IRAK1BP1: variants seen among roughly 807,000 people sequenced by gnomAD.
The protein encoded by IRAK1BP1 is interleukin 1 receptor associated kinase 1 binding protein 1.
A neutral mutation model predicts 28.0 loss-of-function variants in IRAK1BP1; 24 were observed. That is an observed-to-expected ratio of 0.86 (90% CI 0.62 to 1.20). IRAK1BP1 has a LOEUF of 1.20. Ranked by LOEUF, IRAK1BP1 falls within the 50% of genes most tolerant of loss-of-function variation. IRAK1BP1 has a pLI of 0.00. For synonymous variants in IRAK1BP1, 131 were observed against 116.3 expected, an observed-to-expected ratio of 1.13 and a Z score of -0.81; for missense variants, 336 against 316.7, an observed-to-expected ratio of 1.06 and a Z score of -0.46.
At chr6:78,930,926 G>C (rs1773027533) in intron 4 of IRAK1BP1, among the ~76,000 whole-genome samples, 1 of 149,534 alleles carries the variant, frequency 6.7e-6, no homozygotes, top group African/African-American at 2.5e-5. Context: ...GTGAGACTCT[G>C]TCAAAAACAT....
chr6:78,892,978 G>T (rs990064771), intron 2 of IRAK1BP1, among the ~76,000 whole-genome samples: 11 of 151,560 alleles, frequency 7.3e-5, no homozygotes, highest in African/African-American at 2.7e-4. Flanking sequence ...GAAAGTGGGG[G>T]ACAAGAAAAA....
the IRAK1BP1 span, among the ~76,000 whole-genome samples, chr6:78,962,555 T>G: frequency 2.9e-4 from 44 of 152,264 alleles, no homozygotes; most frequent in African/African-American, 1.0e-3. Context: ...GATTCTTTAT[T>G]GAGAGAGTGG....
In IRAK1BP1 at chr6:78,867,906, G is replaced by T; in HGVS notation, c.315+15G>T. ...AGGGCGTGCAGGTGAGATCTCCGCGGGGGAGGAAATAAGAGCCGGAAGACA... is the reference window on the plus strand; with the variant it reads ...AGGGCGTGCAGGTGAGATCTCCGCGTGGGAGGAAATAAGAGCCGGAAGACA... On this transcript the variant is annotated intron_variant, in intron 1 of 3. Coordinates refer to ENST00000369940, the MANE Select transcript of IRAK1BP1 (RefSeq NM_001010844.4). 6.4e-7 allele frequency: 1 copy of T among 1,553,808 alleles called. No individual in the cohort carries two copies. Among genetic ancestry groups the T allele is most frequent in the South Asian group, 1.2e-5 (1 of 83,844 alleles).
chr6:78,960,861 A>T, the IRAK1BP1 span, among the ~76,000 whole-genome samples: 1 of 152,132 alleles, frequency 6.6e-6, no homozygotes, highest in Non-Finnish European at 1.5e-5. Context: ...TATATAGAAA[A>T]ATATTAATAC....
At chr6:78,963,061 C>A in the IRAK1BP1 span, 1 of 1,530,004 alleles carries the variant, frequency 6.5e-7, no homozygotes. Flanking sequence ...TTGTGTTCTG[C>A]CAGTTTTTTC....
chr6:78,921,398 G>C (rs1263921657), intron 4 of IRAK1BP1, among the ~76,000 whole-genome samples: 1 of 152,228 alleles, frequency 6.6e-6, no homozygotes, highest in Non-Finnish European at 1.5e-5. Context: ...TCATTGCCAA[G>C]GCTTCAATAG....
In IRAK1BP1 at chr6:78,898,418, A is replaced by ATATATATATATATATATATATG. The variant is rs1771978014; in HGVS notation, c.*105_*106insGTATATATATATATATATATAT. On this transcript the variant is annotated 3_prime_UTR_variant, in exon 4 of 4. Coordinates refer to ENST00000369940, the MANE Select transcript of IRAK1BP1 (RefSeq NM_001010844.4). ...ATGTTTACGTTTGTCCTGAATATAT[A>ATATATATATATATATATATATG]TATATATATATATATATATATATAT... 1 of 142,288 alleles carries ATATATATATATATATATATATG rather than the reference A, an allele frequency of 7.0e-6. No homozygotes were observed. Among genetic ancestry groups the ATATATATATATATATATATATG allele is most frequent in the Non-Finnish European group, 1.4e-5 (1 of 72,640 alleles). 8.8% of individuals were successfully genotyped at this position (142,288 alleles called of 1,614,324 possible). A position where few individuals can be genotyped will look rare whatever the true frequency, so the allele number is the denominator to read the frequency against.
intron 4 of IRAK1BP1, chr6:78,938,506 G>A (rs1229047460): frequency 1.3e-5 from 2 of 151,274 alleles, no homozygotes; most frequent in Admixed American, 1.3e-4. Context: ...ATAACATCAG[G>A]AAATTACATA....
At chr6:78,978,542 T>C in the IRAK1BP1 span, 29 of 1,470,724 alleles carry the variant, frequency 2.0e-5, no homozygotes, top group African/African-American at 3.9e-4. Flanking sequence ...TGTTAAAAAA[T>C]GTTTAAAACT....
intron 4 of IRAK1BP1, among the ~76,000 whole-genome samples, chr6:78,914,901 A>G (rs1287497723): frequency 1.3e-5 from 2 of 152,078 alleles, no homozygotes; most frequent in East Asian, 3.9e-4. Flanking sequence ...GCTCACTGCA[A>G]CCTCCACCTT....
intron 4 of IRAK1BP1, chr6:78,935,373 ATT>A (rs1773233394): frequency 3.5e-6 from 1 of 284,462 alleles, no homozygotes; most frequent in African/African-American, 2.3e-5. Context: ...TAAAATTGGG[ATT>A]CTTAGTCAAT....
In IRAK1BP1 at chr6:78,875,585, A is replaced by G. The variant is rs181494565; in HGVS notation, c.315+7694A>G. ...ACAAAATCATGTACTTTGCAGTAATATGGATAAGGCTTGAAGCCATTATCC... is the reference window on the plus strand; with the variant it reads ...ACAAAATCATGTACTTTGCAGTAATGTGGATAAGGCTTGAAGCCATTATCC... On this transcript the variant is annotated intron_variant, in intron 1 of 3. Coordinates refer to ENST00000369940, the MANE Select transcript of IRAK1BP1 (RefSeq NM_001010844.4). 5.8e-4 allele frequency among the ~76,000 whole-genome samples: 89 copies of G among 152,356 alleles called. 1 individual carries two copies. The highest frequency in any genetic ancestry group is 9.0e-4 in the Non-Finnish European group (61 of 68,036).
At chr6:78,946,122 C>A in exon 5 of IRAK1BP1, 1 of 1,613,950 alleles carries the variant, frequency 6.2e-7, no homozygotes, top group Non-Finnish European at 8.5e-7. Flanking sequence ...TGGTTCGAAC[C>A]ACAGAACTAG....
the IRAK1BP1 span, among the ~76,000 whole-genome samples, chr6:78,977,238 A>G: frequency 6.6e-6 from 1 of 151,324 alleles, no homozygotes; most frequent in South Asian, 2.1e-4. Context: ...GACATGGATG[A>G]AATTGGAAAC....
intron 1 of IRAK1BP1, among the ~76,000 whole-genome samples, chr6:78,878,339 A>T (rs559136306): frequency 6.6e-6 from 1 of 152,230 alleles, no homozygotes; most frequent in Non-Finnish European, 1.5e-5. Context: ...GCTGTTCTGC[A>T]GTATTTGCTG....
In IRAK1BP1 at chr6:78,920,103, A is replaced by T. The variant is rs369555059; in HGVS notation, c.*67+16993A>T. On this transcript the variant is annotated intron_variant and NMD_transcript_variant, in intron 4 of 4. Coordinates refer to the IRAK1BP1 transcript ENST00000606868. ...ACCCTGTCTCTACTAAAAATACAAA[A>T]ATTAGCTGGGTGTGATTGTGCATGC... Among the ~76,000 whole-genome samples, 4 of 152,024 alleles carry T rather than the reference A, an allele frequency of 2.6e-5. No individual in the cohort carries two copies. In the East Asian group the frequency reaches 7.7e-4, roughly 29 times the overall value.
chr6:78,951,226 T>C (rs1774124067), downstream of IRAK1BP1, among the ~76,000 whole-genome samples: 1 of 152,188 alleles, frequency 6.6e-6, no homozygotes, highest in Non-Finnish European at 1.5e-5. Context: ...ATATTTTGGT[T>C]AATGTAAATT....
the IRAK1BP1 span, among the ~76,000 whole-genome samples, chr6:78,959,456 A>G: frequency 6.6e-6 from 1 of 152,142 alleles, no homozygotes; most frequent in African/African-American, 2.4e-5. Flanking sequence ...AAAATAAAGT[A>G]TTAGATTAAT....
At chr6:78,971,836 C>T in the IRAK1BP1 span, among the ~76,000 whole-genome samples, 4 of 152,280 alleles carry the variant, frequency 2.6e-5, no homozygotes, top group South Asian at 2.1e-4. Context: ...TAAAAAACGG[C>T]GCACCACGAA....
Sources: allele counts gnomAD v4.1 joint callset (sites outside exome capture counted in the v4.1 genomes callset), GRCh38; gene constraint gnomAD v4.1.1; transcripts MANE v1.5; gene names NCBI Gene and HGNC (gene_info 2026-07-23, HGNC 2026-07-21).